Variants in COL11A2 observed in about 807,000 individuals in gnomAD.
The protein encoded by COL11A2 is collagen alpha-2(XI) chain.
COL11A2 carries 116 observed loss-of-function variants against 273.4 expected under a neutral mutation model. That is an observed-to-expected ratio of 0.42 (90% CI 0.36 to 0.49). The LOEUF (loss-of-function observed/expected upper bound fraction) is 0.49, where lower values mean the gene tolerates loss of function less well. Among genes scored for constraint, COL11A2 ranks in the 20% least tolerant of loss-of-function variants. COL11A2 has a pLI of 0.00. For missense variants in COL11A2, 1,866 were observed against 2,309.0 expected, an observed-to-expected ratio of 0.81 and a Z score of 3.93; for synonymous variants, 782 against 864.2, an observed-to-expected ratio of 0.90 and a Z score of 1.67.
rs111227109 is a variant in COL11A2, at chr6:33,185,782, G to C, written c.799-4C>G. ...CATAGTAGAGAGACTCAGTGGGCTG[G>C]GATTGGGGGGTGGGCATAGACAGGA... On this transcript the variant is annotated splice_region_variant and splice_polypyrimidine_tract_variant and intron_variant, in intron 5 of 65. Coordinates refer to ENST00000341947, the MANE Select transcript of COL11A2 (RefSeq NM_080680.3). 7.8e-7 allele frequency: 1 copy of C among 1,281,302 alleles called. No individual in the cohort carries two copies. Among genetic ancestry groups the C allele is most frequent in the South Asian group, 1.2e-5 (1 of 86,130 alleles). The allele number at this position is 1,281,302 out of a possible 1,614,324, so 79.4% of individuals were successfully genotyped here. A position where few individuals can be genotyped will look rare whatever the true frequency, so the allele number is the denominator to read the frequency against.
intron 8 of COL11A2, 106 bp downstream of exon 8, chr6:33,184,039 A>G: frequency 1.0e-6 from 1 of 997,308 alleles, no homozygotes; most frequent in Non-Finnish European, 1.4e-6. Context: ...CAAGTCACAG[A>G]TGGGAAATAG....
rs1770366343 is a variant in COL11A2 at position 33,173,130 on chromosome 6, G to GA, written c.2737-18_2737-17insT. 6.2e-7 allele frequency: 1 copy of GA among 1,609,238 alleles called. No homozygotes were observed. Among genetic ancestry groups the GA allele is most frequent in the East Asian group, 2.2e-5 (1 of 44,756 alleles). On this transcript the variant is annotated splice_polypyrimidine_tract_variant and intron_variant, in intron 37 of 65. Transcript: ENST00000341947. This position sits in a 1 kb window ranked among gnomAD's most constrained non-coding sequence, Gnocchi z 6.3. ...TTGGAAACCCTAGGCGAGGAAGAGA[G>GA]GAGAATGCAGTGAAAGCAGGTGTGG... is the stretch of plus-strand genomic sequence containing the variant.
chr6:33,176,809 C>T lies in COL11A2; in HGVS notation c.2071-44G>A, dbSNP rs1239460860. 6.3e-7 allele frequency: 1 copy of T among 1,596,490 alleles called. No homozygotes were observed. Among genetic ancestry groups the T allele is most frequent in the African/African-American group, 1.3e-5 (1 of 74,452 alleles). The stretch of plus-strand genomic sequence containing the variant: ...AAATGTGACCAGTGGCCCCTGTCAC[C>T]CTCTCTGCACCCCTCCCTACACTTC... On this transcript the variant is annotated intron_variant, in intron 25 of 65. Transcript: ENST00000341947. The surrounding 1 kb of genome is among the most constrained non-coding windows in gnomAD (Gnocchi z 4.9).
In COL11A2 at chr6:33,167,895, A is replaced by G. The variant is rs372048137; in HGVS notation, c.3961-43T>C. 1.9e-6 allele frequency: 3 copies of G among 1,607,884 alleles called. No homozygotes were observed. In the African/African-American group the frequency reaches 4.0e-5, roughly 21 times the overall value. ...AGGAAGAGCACATGAGGCCGTGGGC[A>G]GCCAGGCTCAACTCTTCCCCCTTCC... is the stretch of plus-strand genomic sequence containing the variant. On this transcript the variant is annotated intron_variant, in intron 54 of 65. Transcript: ENST00000341947. This position sits in a 1 kb window ranked among gnomAD's most constrained non-coding sequence, Gnocchi z 6.1.
At position 33,165,002 on chromosome 6, in the gene COL11A2, G is replaced by C. The variant is rs930493182; in HGVS notation, c.4751-38C>G. On this transcript the variant is annotated intron_variant, in intron 63 of 65. Coordinates refer to ENST00000341947, the MANE Select transcript of COL11A2 (RefSeq NM_080680.3). This position sits in a 1 kb window ranked among gnomAD's most constrained non-coding sequence, Gnocchi z 7.7. ...GGAGAGGGGAGGTCAGGGCCACCTA[G>C]GTCCAGGCTCCAAGATGCTCTTTGC... is the stretch of plus-strand genomic sequence containing the variant. The C allele has an allele frequency of 4.0e-6, 6 of 1,492,834 alleles. No homozygotes were observed. The highest frequency in any genetic ancestry group is 4.6e-6 in the Non-Finnish European group (5 of 1,093,366). 92.5% of individuals were successfully genotyped at this position (1,492,834 alleles called of 1,614,324 possible). A position where few individuals can be genotyped will look rare whatever the true frequency, so the allele number is the denominator to read the frequency against.
chr6:33,163,733 C>G lies in COL11A2; in HGVS notation c.5156G>C (p.Gly1719Ala). ...PVLDASFSDLGAPPRRGGVLL... is the reference protein window; with the variant it reads ...PVLDASFSDLAAPPRRGGVLL... The stretch of plus-strand genomic sequence containing the variant: ...CACCCCTCCCCGCCTCGGTGGGGCT[C>G]CCAGGTCTGAGAAGGAGGCATCCAG... Residue 1719 changes from glycine (G) to alanine (A), a missense_variant, in exon 66 of 66, where the codon GGA becomes GCA. Coordinates refer to ENST00000341947, the MANE Select transcript of COL11A2 (RefSeq NM_080680.3). The surrounding 1 kb of genome is among the most constrained non-coding windows in gnomAD (Gnocchi z 4.1). The G allele has an allele frequency of 6.2e-7, 1 of 1,613,068 alleles. No homozygotes were observed. Among genetic ancestry groups the G allele is most frequent in the Non-Finnish European group, 8.5e-7 (1 of 1,180,020 alleles).
Position 33,184,157 on chromosome 6 carries a change from G to T in COL11A2, c.1107C>A (p.Ala369=). 7.3e-7 allele frequency: 1 copy of T among 1,367,288 alleles called. No homozygotes were observed. Among genetic ancestry groups the T allele is most frequent in the Non-Finnish European group, 9.8e-7 (1 of 1,021,996 alleles). 84.7% of individuals were successfully genotyped at this position (1,367,288 alleles called of 1,614,324 possible). Residue 369 remains alanine (A), a synonymous_variant, in exon 8 of 66, where the codon GCC becomes GCA. Transcript: ENST00000341947. ...TCCTTTCACTTACGGCTCCTGAGTG[G>T]GCTGTCTCCGCAGAGAGGGCAGGGC... The part of the protein sequence containing the change: ...ELGPALSAET[A]HSGAAAHGPR...
At chr6:33,175,358 C>T (rs1451034075) in intron 30 of COL11A2, 3 of 686,016 alleles carry the variant, frequency 4.4e-6, no homozygotes, top group Admixed American at 2.0e-5. Context: ...GCTTCGTCTC[C>T]GTCCAACTCT....
Position 33,189,505 on chromosome 6 carries a change from G to C in COL11A2, c.83-36C>G, listed in dbSNP as rs771539072. 1 of 1,610,422 alleles carries C rather than the reference G, an allele frequency of 6.2e-7. No individual in the cohort carries two copies. The highest frequency in any genetic ancestry group is 8.5e-7 in the Non-Finnish European group (1 of 1,177,952). On this transcript the variant is annotated intron_variant, in intron 1 of 65. Coordinates refer to ENST00000341947, the MANE Select transcript of COL11A2 (RefSeq NM_080680.3). This position sits in a 1 kb window ranked among gnomAD's most constrained non-coding sequence, Gnocchi z 5.6. ...CCATGATTATCAGGAGAAGGGACAT[G>C]CCCTCAGGAGGGCATAAATAGGGGA...
Position 33,167,584 on chromosome 6 carries a change from G to A in COL11A2, c.4015-51C>T, listed in dbSNP as rs1341975241. Reference sequence around the variant, plus strand: ...CTGAATGGCAGAGGAGTGGGGTGTGGGCAGGGGGCAGAGGGTCCAAGGTGG... The same window carrying A: ...CTGAATGGCAGAGGAGTGGGGTGTGAGCAGGGGGCAGAGGGTCCAAGGTGG... On this transcript the variant is annotated intron_variant, in intron 55 of 65. Transcript: ENST00000341947. This position sits in a 1 kb window ranked among gnomAD's most constrained non-coding sequence, Gnocchi z 6.1. 5.0e-6 allele frequency: 8 copies of A among 1,597,264 alleles called. No individual in the cohort carries two copies. The highest frequency in any genetic ancestry group is 1.1e-5 in the South Asian group (1 of 89,954).
Position 33,173,069 on chromosome 6 carries a change from C to T in COL11A2, c.2781G>A (p.Val927=). The change falls in exon 38 of 66, where the codon GTG becomes GTA. Residue 927 remains valine (V), a synonymous_variant. Coordinates refer to ENST00000341947, the MANE Select transcript of COL11A2 (RefSeq NM_080680.3). This position sits in a 1 kb window ranked among gnomAD's most constrained non-coding sequence, Gnocchi z 6.3. ...CTAGGGACAAACCTACCTGAGGTCC[C>T]ACCACTCCTGGAGGACCAGGGGGGC... The part of the protein sequence containing the change: ...KTGPPGPPGV[V]GPQGAAGETG... The T allele has an allele frequency of 6.2e-7, 1 of 1,612,616 alleles. No homozygotes were observed. The highest frequency in any genetic ancestry group is 8.5e-7 in the Non-Finnish European group (1 of 1,179,814).
At position 33,173,840 on chromosome 6, in the gene COL11A2, G is replaced by C. The variant is rs45493595; in HGVS notation, c.2583+33C>G. 2 of 1,613,402 alleles carry C rather than the reference G, an allele frequency of 1.2e-6. No homozygotes were observed. Among genetic ancestry groups the C allele is most frequent in the East Asian group, 4.5e-5 (2 of 44,858 alleles). ...AGGGAGAGCTGGGGCTGAGTGGGCAGGGGGCAGTTGGAGCCTTGTAGAGAC... is the reference window on the plus strand; with the variant it reads ...AGGGAGAGCTGGGGCTGAGTGGGCACGGGGCAGTTGGAGCCTTGTAGAGAC... On this transcript the variant is annotated intron_variant, in intron 34 of 65. Transcript: ENST00000341947. This position sits in a 1 kb window ranked among gnomAD's most constrained non-coding sequence, Gnocchi z 6.3.
In COL11A2 at chr6:33,185,088, G is replaced by A. The variant is rs116165521; in HGVS notation, c.877-34C>T. The A allele has an allele frequency of 0.16, 236,763 of 1,488,898 alleles. 21,200 individuals carry two copies. Among genetic ancestry groups the A allele is most frequent in the Admixed American group, 0.33 (16,802 of 50,914 alleles). The allele number at this position is 1,488,898 out of a possible 1,614,324, so 92.2% of individuals were successfully genotyped here. On this transcript the variant is annotated intron_variant, in intron 6 of 65. Transcript: ENST00000341947. ...AAGGAGAGAAGGAGAAGAGTAGCAC[G>A]GGGTGGGAAGGAAGGAGAAAGGTTA... is the stretch of plus-strand genomic sequence containing the variant.
Position 33,181,120 on chromosome 6 carries a change from C to A in COL11A2, c.1170G>T (p.Val390=). 2 of 1,614,186 alleles carry A rather than the reference C, an allele frequency of 1.2e-6. No homozygotes were observed. The highest frequency in any genetic ancestry group is 1.7e-6 in the Non-Finnish European group (2 of 1,180,020). Residue 390 remains valine, a synonymous_variant, in exon 9 of 66, where the codon GTG becomes GTT. Coordinates refer to ENST00000341947, the MANE Select transcript of COL11A2 (RefSeq NM_080680.3). ...GACCAGCATAACTTACAGGTTCCAA[C>A]ACTGCAGGCTCTCCTTTCTCTCCCT... ...GLKGEKGEPA[V]LEPGMLVEGP...
At chr6:33,188,098 GA>G (rs1562386379) in intron 4 of COL11A2, among the ~76,000 whole-genome samples, 1 of 152,096 alleles carries the variant, frequency 6.6e-6, no homozygotes, top group Admixed American at 6.5e-5. Flanking sequence ...TGAGGAGAGA[GA>G]GGGGTTGAAA....
In COL11A2 at chr6:33,163,099, T is replaced by A. The variant is rs752100654; in HGVS notation, c.*579A>T. 2 of 154,456 alleles carry A rather than the reference T, an allele frequency of 1.3e-5. No homozygotes were observed. The highest frequency in any genetic ancestry group is 2.5e-5 in the African/African-American group (1 of 40,176). The allele number at this position is 154,456 out of a possible 1,614,324, so 9.6% of individuals were successfully genotyped here. On this transcript the variant is annotated 3_prime_UTR_variant, in exon 66 of 66. Coordinates refer to ENST00000341947, the MANE Select transcript of COL11A2 (RefSeq NM_080680.3). The surrounding 1 kb of genome is among the most constrained non-coding windows in gnomAD (Gnocchi z 4.1). ...CCCCACCCTGGCAGAGTCAGAGCCC[T>A]GAGGCCAGGGAGACCACATATTCCA... is the stretch of plus-strand genomic sequence containing the variant.
Position 33,166,422 on chromosome 6 carries a change from G to T in COL11A2, c.4392+91C>A. On this transcript the variant is annotated intron_variant, in intron 60 of 65. Transcript: ENST00000341947. The surrounding 1 kb of genome is among the most constrained non-coding windows in gnomAD (Gnocchi z 4.8). ...GGGACCCTGAGGACTATGCTTGTTA[G>T]GCTGGTAGTTCCATGGAAGTCGTTG... 6.8e-7 allele frequency: 1 copy of T among 1,468,290 alleles called. No homozygotes were observed. The highest frequency in any genetic ancestry group is 9.4e-7 in the Non-Finnish European group (1 of 1,065,904). 91.0% of individuals were successfully genotyped at this position (1,468,290 alleles called of 1,614,324 possible).
In COL11A2 at chr6:33,169,423, G is replaced by C; in HGVS notation, c.3758C>G (p.Pro1253Arg). The C allele has an allele frequency of 6.2e-7, 1 of 1,612,974 alleles. No individual in the cohort carries two copies. Among genetic ancestry groups the C allele is most frequent in the Non-Finnish European group, 8.5e-7 (1 of 1,180,028 alleles). ...GQPGEPGPPG[P>R]KGPTGDDGPK... ...GCCATCATCGCCTGTGGGGCCTTTA[G>C]GCCCTGGTGGCCCTGGCTCTCCTGG... Residue 1253 changes from proline (P) to arginine (R), a missense_variant, in exon 51 of 66, where the codon CCT becomes CGT. Physicochemically the swap from Pro to Arg is moderately radical, Grantham distance 103. Coordinates refer to ENST00000341947, the MANE Select transcript of COL11A2 (RefSeq NM_080680.3). The surrounding 1 kb of genome is among the most constrained non-coding windows in gnomAD (Gnocchi z 5.5).
chr6:33,192,335 G>T lies in COL11A2; in HGVS notation c.-95C>A. ...ACAGAAGACAGGGAGCAGACTATGAGCCTCAGACGCCGGGGTCCCAGGGAG... is the reference window on the plus strand; with the variant it reads ...ACAGAAGACAGGGAGCAGACTATGATCCTCAGACGCCGGGGTCCCAGGGAG... On this transcript the variant is annotated 5_prime_UTR_variant, in exon 1 of 66. Coordinates refer to ENST00000341947, the MANE Select transcript of COL11A2 (RefSeq NM_080680.3). 8.2e-7 allele frequency: 1 copy of T among 1,212,846 alleles called. No homozygotes were observed. The highest frequency in any genetic ancestry group is 1.2e-6 in the Non-Finnish European group (1 of 848,126). 75.1% of individuals were successfully genotyped at this position (1,212,846 alleles called of 1,614,324 possible).
Sources: allele counts gnomAD v4.1 joint callset (sites outside exome capture counted in the v4.1 genomes callset), GRCh38; gene constraint gnomAD v4.1.1; non-coding constraint Gnocchi (gnomAD v3.1); transcripts MANE v1.5; gene names NCBI Gene and HGNC (gene_info 2026-07-23, HGNC 2026-07-21).